The following ELOC variants were observed in gnomAD, a reference collection of about 807,000 sequenced individuals.
ELOC encodes elongin-C.
For synonymous variants in ELOC, 40 were observed against 51.3 expected, an observed-to-expected ratio of 0.78 and a Z score of 0.94; for missense variants, 38 against 139.0, an observed-to-expected ratio of 0.27 and a Z score of 3.65.
chr8:73,970,866 AAAC>A (rs1563691323), intron 1 of ELOC, among the ~76,000 whole-genome samples: 3 of 119,516 alleles, frequency 2.5e-5, no homozygotes, highest in South Asian at 2.7e-4. Flanking sequence ...AAACAAAACA[AAAC>A]AAAAAAAAAA....
At chr8:73,947,265 G>T (rs1813438280) in intron 3 of ELOC, among the ~76,000 whole-genome samples, 1 of 152,068 alleles carries the variant, frequency 6.6e-6, no homozygotes, top group South Asian at 2.1e-4. Flanking sequence ...GGGATTACAG[G>T]CATGAGCCAC....
At chr8:73,961,023 T>C (rs1349262899) in intron 1 of ELOC, among the ~76,000 whole-genome samples, 1 of 152,236 alleles carries the variant, frequency 6.6e-6, no homozygotes, top group Non-Finnish European at 1.5e-5. Flanking sequence ...CATATTTTTA[T>C]GCTTCCATCT....
At chr8:73,953,489 C>T (rs748170506) in intron 3 of ELOC, among the ~76,000 whole-genome samples, 1 of 151,958 alleles carries the variant, frequency 6.6e-6, no homozygotes, top group Non-Finnish European at 1.5e-5. Context: ...CCAGCCTGAC[C>T]AACATGGAGA....
At chr8:73,958,969 C>G (rs904307529) in intron 2 of ELOC, among the ~76,000 whole-genome samples, 2 of 152,054 alleles carry the variant, frequency 1.3e-5, no homozygotes, top group South Asian at 4.1e-4. Flanking sequence ...CAAACCTGTA[C>G]GGTATGTTAC....
intron 1 of ELOC, among the ~76,000 whole-genome samples, chr8:73,964,167 T>C (rs1402370459): frequency 6.9e-6 from 1 of 145,826 alleles, no homozygotes; most frequent in Non-Finnish European, 1.5e-5. Flanking sequence ...TGTTAAGTGG[T>C]CCCTGGATAG....
At chr8:73,962,871 CCTAATT>C (rs1189224416) in intron 1 of ELOC, among the ~76,000 whole-genome samples, 1 of 152,150 alleles carries the variant, frequency 6.6e-6, no homozygotes, top group Non-Finnish European at 1.5e-5. Flanking sequence ...AGTTAAAATT[CCTAATT>C]CTTAGGTAGA....
intron 1 of ELOC, 99 bp downstream of exon 1, chr8:73,971,978 G>A (rs1215908800): frequency 1.3e-5 from 2 of 152,390 alleles, no homozygotes; most frequent in Non-Finnish European, 2.9e-5. Flanking sequence ...GCCTAGAAGG[G>A]AAGGGGTGGG....
intron 1 of ELOC, chr8:73,969,444 T>C (rs1042875950): frequency 1.3e-5 from 2 of 152,216 alleles, no homozygotes; most frequent in Admixed American, 6.5e-5. Context: ...AACTGGACAT[T>C]TGATTTACTT....
At chr8:73,952,307 G>C (rs186285985) in intron 3 of ELOC, among the ~76,000 whole-genome samples, 131 of 152,182 alleles carry the variant, frequency 8.6e-4, no homozygotes, top group African/African-American at 3.1e-3. Context: ...AGGAGGCTGA[G>C]ACAGGAGAAT....
intron 1 of ELOC, among the ~76,000 whole-genome samples, chr8:73,968,720 A>G (rs1204762237): frequency 6.6e-6 from 1 of 152,188 alleles, no homozygotes; most frequent in Non-Finnish European, 1.5e-5. Flanking sequence ...ATATTCCGTC[A>G]CCTAACTAAA....
intron 1 of ELOC, among the ~76,000 whole-genome samples, chr8:73,965,973 G>A (rs1489738823): frequency 6.6e-6 from 1 of 152,090 alleles, no homozygotes; most frequent in Admixed American, 6.6e-5. Context: ...GGTCTCGATG[G>A]GTAGAGGTAT....
chr8:73,959,938 G>C (rs1164562139), intron 1 of ELOC, 120 bp from the exon 2 acceptor site: 6 of 447,728 alleles, frequency 1.3e-5, no homozygotes, highest in Admixed American at 4.4e-5. Flanking sequence ...TACATTACGA[G>C]CTCACCATTC....
intron 3 of ELOC, 25 bp downstream of exon 3, chr8:73,955,886 A>C: frequency 6.4e-7 from 1 of 1,574,598 alleles, no homozygotes; most frequent in Non-Finnish European, 8.6e-7. Context: ...TGAATATATG[A>C]AGAAAAAGAC....
chr8:73,949,427 T>C (rs189769458), intron 3 of ELOC, among the ~76,000 whole-genome samples: 1 of 152,356 alleles, frequency 6.6e-6, no homozygotes, highest in Non-Finnish European at 1.5e-5. Context: ...AAATCAACCA[T>C]TTTAAAGTGT....
At chr8:73,961,920 G>A (rs891003906) in intron 1 of ELOC, among the ~76,000 whole-genome samples, 1 of 149,886 alleles carries the variant, frequency 6.7e-6, no homozygotes, top group Middle Eastern at 3.6e-3. Flanking sequence ...TTTTGAGACA[G>A]AGTCTCACTC....
intron 1 of ELOC, among the ~76,000 whole-genome samples, chr8:73,967,056 A>C (rs1054970329): frequency 6.6e-6 from 1 of 152,236 alleles, no homozygotes. Context: ...TCTGAAGAAT[A>C]AATGGCTTTA....
chr8:73,946,570 A>C lies in ELOC; in HGVS notation c.*60T>G. On this transcript the variant is annotated 3_prime_UTR_variant, in exon 4 of 4. Coordinates refer to ENST00000520242, the MANE Select transcript of ELOC (RefSeq NM_005648.4). ...ACATGCTATATATGAAAAAGTTACTAACTGAACTACAGGTATTAAATACTG... is the reference window on the plus strand; with the variant it reads ...ACATGCTATATATGAAAAAGTTACTCACTGAACTACAGGTATTAAATACTG... The C allele has an allele frequency of 7.5e-7, 1 of 1,336,754 alleles. No individual in the cohort carries two copies. Among genetic ancestry groups the C allele is most frequent in the East Asian group, 2.5e-5 (1 of 39,558 alleles). 82.8% of individuals were successfully genotyped at this position (1,336,754 alleles called of 1,614,324 possible).
intron 3 of ELOC, among the ~76,000 whole-genome samples, chr8:73,948,792 G>A (rs773590622): frequency 6.6e-5 from 10 of 152,064 alleles, no homozygotes; most frequent in Non-Finnish European, 8.8e-5. Context: ...CCATGATGGC[G>A]CCACTGTACT....
At chr8:73,948,085 G>A (rs1409242324) in intron 3 of ELOC, among the ~76,000 whole-genome samples, 5 of 152,060 alleles carry the variant, frequency 3.3e-5, no homozygotes, top group Middle Eastern at 3.4e-3. Context: ...CCAGGTACTC[G>A]GGAGGCTGAG....
Sources: allele counts gnomAD v4.1 joint callset (sites outside exome capture counted in the v4.1 genomes callset), GRCh38; gene constraint gnomAD v4.1.1; transcripts MANE v1.5; gene names NCBI Gene and HGNC (gene_info 2026-07-23, HGNC 2026-07-21).